SHB: variants seen among roughly 807,000 people sequenced by gnomAD.
SHB encodes SH2 domain containing adaptor protein B.
A neutral mutation model predicts 52.3 loss-of-function variants in SHB; 20 were observed. That is an observed-to-expected ratio of 0.38 (90% CI 0.27 to 0.56). The LOEUF (loss-of-function observed/expected upper bound fraction) is 0.56. SHB is among the 20% of genes least tolerant of loss of function. The pLI, the probability that SHB is intolerant of heterozygous loss-of-function variation, is 0.71. For synonymous variants in SHB, 397 were observed against 316.5 expected (o/e 1.25, Z -2.70); for missense variants, 825 against 723.3 (o/e 1.14, Z -1.61).
At chr9:37,962,998 C>G (rs1158786708) in intron 3 of SHB, among the ~76,000 whole-genome samples, 2 of 152,196 alleles carry the variant, frequency 1.3e-5, no homozygotes, top group Non-Finnish European at 2.9e-5. Context: ...GTTGCTATGA[C>G]AGGCAATGGG....
intron 1 of SHB, among the ~76,000 whole-genome samples, chr9:38,053,059 C>T (rs1244904825): frequency 5.3e-5 from 8 of 151,722 alleles, no homozygotes; most frequent in African/African-American, 1.9e-4. Context: ...CAGTAGAGAC[C>T]TATTCAGCTG....
At chr9:37,979,011 G>A (rs1396260406) in intron 2 of SHB, among the ~76,000 whole-genome samples, 1 of 152,186 alleles carries the variant, frequency 6.6e-6, no homozygotes, top group African/African-American at 2.4e-5. Context: ...CTCACCAACA[G>A]CTCCAGGACA....
chr9:37,924,054 T>C lies in SHB; in HGVS notation c.1347-4050A>G, dbSNP rs565428627. Among the ~76,000 whole-genome samples, 293 of 152,350 alleles carry C rather than the reference T, an allele frequency of 1.9e-3. 1 individual carries two copies. Among genetic ancestry groups the C allele is most frequent in the African/African-American group, 6.5e-3 (270 of 41,582 alleles). Reference sequence around the variant, plus strand: ...CAGGCTGCTATGCCTGCCAAGCTCCTGCATCAGCCACATCTCCTTTGATAG... The same window carrying C: ...CAGGCTGCTATGCCTGCCAAGCTCCCGCATCAGCCACATCTCCTTTGATAG... On this transcript the variant is annotated intron_variant, in intron 5 of 5. Coordinates refer to ENST00000377707, the MANE Select transcript of SHB (RefSeq NM_003028.3).
intron 1 of SHB, among the ~76,000 whole-genome samples, chr9:38,042,032 G>A (rs1398350276): frequency 6.6e-6 from 1 of 152,142 alleles, no homozygotes; most frequent in Non-Finnish European, 1.5e-5. Flanking sequence ...AGCACGCTAG[G>A]AGCACTGGGG....
At chr9:37,978,211 G>T (rs1007542915) in intron 2 of SHB, among the ~76,000 whole-genome samples, 1 of 152,236 alleles carries the variant, frequency 6.6e-6, no homozygotes, top group Non-Finnish European at 1.5e-5. Flanking sequence ...GGAAACATGT[G>T]CAGTGAACAG....
In SHB at chr9:38,016,234, C is replaced by T. The variant is rs996932339; in HGVS notation, c.718-103G>A. The T allele has an allele frequency of 4.9e-5, 63 of 1,291,134 alleles. 1 individual carries two copies. Among genetic ancestry groups the T allele is most frequent in the Non-Finnish European group, 6.7e-5 (62 of 930,790 alleles). The allele number at this position is 1,291,134 out of a possible 1,614,324, so 80.0% of individuals were successfully genotyped here. On this transcript the variant is annotated intron_variant, in intron 1 of 5. Coordinates refer to ENST00000377707, the MANE Select transcript of SHB (RefSeq NM_003028.3). ...CCTCAGCTAGATGAGCAAGGAGAGG[C>T]AGGGGAGGCAGGAACTAAAGCCGGC... is the stretch of plus-strand genomic sequence containing the variant.
chr9:37,992,129 G>A (rs576866122), intron 2 of SHB, among the ~76,000 whole-genome samples: 24 of 152,296 alleles, frequency 1.6e-4, no homozygotes, highest in Non-Finnish European at 2.6e-4. Context: ...AGCCGGGCAC[G>A]GTGGCTCACA....
chr9:37,975,194 A>G (rs1820639902), intron 2 of SHB, among the ~76,000 whole-genome samples: 1 of 152,274 alleles, frequency 6.6e-6, no homozygotes, highest in South Asian at 2.1e-4. Flanking sequence ...CTTCATAAAC[A>G]GGCTGGGGTC....
intron 1 of SHB, among the ~76,000 whole-genome samples, chr9:38,047,844 G>A (rs570691376): frequency 1.3e-5 from 2 of 152,318 alleles, no homozygotes; most frequent in African/African-American, 2.4e-5. Flanking sequence ...TGCAGTTCCC[G>A]CACAGGTCCT....
At chr9:37,997,830 C>T (rs112173436) in intron 2 of SHB, among the ~76,000 whole-genome samples, 2,172 of 152,304 alleles carry the variant, frequency 0.014, 19 homozygotes, top group Middle Eastern at 0.034. Context: ...CTGTCCAGGG[C>T]GACAGCAGCT....
At chr9:37,943,146 G>A (rs540463642) in intron 5 of SHB, among the ~76,000 whole-genome samples, 4 of 152,178 alleles carry the variant, frequency 2.6e-5, no homozygotes, top group East Asian at 1.9e-4. Flanking sequence ...GGCAAGCTCC[G>A]CCCTGCCCTG....
In SHB at chr9:37,942,138, T is replaced by C. The variant is rs190471433; in HGVS notation, c.1346+6497A>G. ...ACGCACCCCCAGTGCCCCTCAGCTC[T>C]TCTTGGCCCTGTTACACCCACCCAA... is the stretch of plus-strand genomic sequence containing the variant. On this transcript the variant is annotated intron_variant, in intron 5 of 5. Coordinates refer to ENST00000377707, the MANE Select transcript of SHB (RefSeq NM_003028.3). Among the ~76,000 whole-genome samples the C allele has an allele frequency of 6.4e-4, 97 of 152,356 alleles. 1 individual carries two copies. Among genetic ancestry groups the C allele is most frequent in the African/African-American group, 2.3e-3 (95 of 41,584 alleles).
At chr9:37,997,389 C>T (rs1027222046) in intron 2 of SHB, among the ~76,000 whole-genome samples, 8 of 152,156 alleles carry the variant, frequency 5.3e-5, no homozygotes, top group Non-Finnish European at 1.2e-4. Flanking sequence ...CTAGACAGCC[C>T]CTTCCCTCCT....
At chr9:37,989,621 G>C (rs73646133) in intron 2 of SHB, among the ~76,000 whole-genome samples, 4,147 of 152,264 alleles carry the variant, frequency 0.027, 192 homozygotes, top group African/African-American at 0.091. Flanking sequence ...GGGGAAACGG[G>C]AAACTCAAAA....
chr9:38,049,396 G>A (rs112389974), intron 1 of SHB, among the ~76,000 whole-genome samples: 200 of 152,162 alleles, frequency 1.3e-3, no homozygotes, highest in African/African-American at 4.6e-3. Context: ...ATCCCCTGAG[G>A]TCAGGAGTTT....
intron 2 of SHB, chr9:38,015,443 A>G (rs781627270): frequency 4.3e-6 from 3 of 703,044 alleles, no homozygotes; most frequent in Non-Finnish European, 7.8e-6. Context: ...CAACAGGAAA[A>G]CAGCCACTGG....
At chr9:38,015,893 C>T in intron 2 of SHB, 118 bp downstream of exon 2, 1 of 983,944 alleles carries the variant, frequency 1.0e-6, no homozygotes, top group Admixed American at 2.2e-5. Context: ...CACCTACCAA[C>T]TTGAAAGCAC....
At chr9:37,970,476 G>A (rs1210486345) in intron 3 of SHB, among the ~76,000 whole-genome samples, 2 of 151,974 alleles carry the variant, frequency 1.3e-5, no homozygotes, top group Non-Finnish European at 2.9e-5. Flanking sequence ...CACTGCCCAA[G>A]AAGGGCGCCC....
chr9:37,961,491 C>A (rs1005416172), intron 3 of SHB, among the ~76,000 whole-genome samples: 3 of 152,190 alleles, frequency 2.0e-5, no homozygotes, highest in African/African-American at 7.2e-5. Context: ...AGACAAAGGA[C>A]AAATTCATTC....
Sources: gnomAD v4.1 joint callset for allele counts (sites outside exome capture counted in the v4.1 genomes callset) on GRCh38, gnomAD v4.1.1 for gene constraint, MANE v1.5 for transcripts, NCBI Gene and HGNC (gene_info 2026-07-23, HGNC 2026-07-21) for gene names.